The following PDILT variants were observed in gnomAD, a reference collection of about 807,000 sequenced individuals.
PDILT encodes protein disulfide-isomerase-like protein of the testis.
PDILT carries 43 observed loss-of-function variants against 53.7 expected under a neutral mutation model. That is an observed-to-expected ratio of 0.80 (90% CI 0.63 to 1.03). PDILT has a LOEUF of 1.03. Among genes scored for constraint, PDILT ranks in the 50% least tolerant of loss-of-function variants. The pLI is 0.00. For missense variants in PDILT, 727 were observed against 712.3 expected (o/e 1.02, Z -0.24); for synonymous variants, 282 against 274.2 (o/e 1.03, Z -0.28).
At chr16:20,363,463 TTGTGTA>T (rs756851656) in intron 9 of PDILT, among the ~76,000 whole-genome samples, 9,142 of 141,316 alleles carry the variant, frequency 0.065, 298 homozygotes, top group African/African-American at 0.087. Flanking sequence ...GTGTGTGTTT[TTGTGTA>T]TGTGTATGTG....
chr16:20,402,222 T>C (rs1966750998), intron 1 of PDILT, among the ~76,000 whole-genome samples: 1 of 152,172 alleles, frequency 6.6e-6, no homozygotes, highest in Non-Finnish European at 1.5e-5. Context: ...TGTCAGATGA[T>C]GGTAATGCAA....
At position 20,384,948 on chromosome 16, in the gene PDILT, T is replaced by C. The variant is rs1239584591; in HGVS notation, c.203-97A>G. On this transcript the variant is annotated intron_variant, in intron 2 of 11. Transcript: ENST00000302451. ...GGGCCTGCTTAGCTCCCGGAACCTT[T>C]CTTGTGCTCAGCGGTTAATGGCTGA... 12 of 1,203,276 alleles carry C rather than the reference T, an allele frequency of 1.0e-5. 1 individual carries two copies. In the East Asian group the frequency reaches 2.3e-4, roughly 23 times the overall value. The allele number at this position is 1,203,276 out of a possible 1,614,324, so 74.5% of individuals were successfully genotyped here. A position where few individuals can be genotyped will look rare whatever the true frequency, so the allele number is the denominator to read the frequency against.
intron 1 of PDILT, among the ~76,000 whole-genome samples, chr16:20,400,845 C>T (rs1330976512): frequency 1.3e-5 from 2 of 152,112 alleles, no homozygotes; most frequent in East Asian, 1.9e-4. Flanking sequence ...ACAATAACCA[C>T]AATACTATGA....
Position 20,362,530 on chromosome 16 carries a change from C to A in PDILT, c.1290G>T (p.Leu430Phe), listed in dbSNP as rs764924755. The change falls in exon 10 of 12, where the codon TTG (leucine) becomes TTT (phenylalanine). Residue 430 changes from leucine (L) to phenylalanine (F), a missense_variant. Transcript: ENST00000302451. ...CKMLFPLLEELGRKYQNHSTI... is the reference protein window; with the variant it reads ...CKMLFPLLEEFGRKYQNHSTI... ...TGGAGTGGTTTTGATATTTTCTGCCCAATTCCTCCAACAGTGGGAACAGCA... is the reference window on the plus strand; with the variant it reads ...TGGAGTGGTTTTGATATTTTCTGCCAAATTCCTCCAACAGTGGGAACAGCA... 4.3e-6 allele frequency: 7 copies of A among 1,614,066 alleles called. No individual in the cohort carries two copies. The highest frequency in any genetic ancestry group is 5.9e-6 in the Non-Finnish European group (7 of 1,180,022).
chr16:20,397,644 G>C, intron 2 of PDILT, among the ~76,000 whole-genome samples: 1 of 152,168 alleles, frequency 6.6e-6, no homozygotes, highest in Non-Finnish European at 1.5e-5. Flanking sequence ...AAATGGTTCT[G>C]GTCAGAGGGC....
intron 8 of PDILT, among the ~76,000 whole-genome samples, chr16:20,368,989 G>A (rs1057235302): frequency 7.9e-5 from 12 of 152,150 alleles, no homozygotes; most frequent in Non-Finnish European, 7.3e-5. Context: ...GGGTGACTAC[G>A]TGTTCCATGT....
intron 4 of PDILT, 124 bp from the exon 5 acceptor site, chr16:20,375,083 G>A (rs1750973217): frequency 1.8e-6 from 2 of 1,131,512 alleles, no homozygotes; most frequent in Non-Finnish European, 2.5e-6. Flanking sequence ...GGTTTGCCTG[G>A]GTCACCCAAA....
chr16:20,361,288 C>T (rs553870615), intron 10 of PDILT, among the ~76,000 whole-genome samples: 5 of 149,474 alleles, frequency 3.3e-5, no homozygotes, highest in South Asian at 4.3e-4. Flanking sequence ...CAGGTTCAAG[C>T]GATTCCCCTG....
chr16:20,384,344 G>A (rs954206544), intron 3 of PDILT, among the ~76,000 whole-genome samples: 4 of 152,282 alleles, frequency 2.6e-5, no homozygotes, highest in African/African-American at 4.8e-5. Flanking sequence ...CTTGCAGCTG[G>A]TTCTGGCCAT....
chr16:20,386,774 T>A (rs1017034884), intron 2 of PDILT, among the ~76,000 whole-genome samples: 2 of 152,212 alleles, frequency 1.3e-5, no homozygotes, highest in Admixed American at 6.5e-5. Context: ...CTCTGGTCCA[T>A]GGGGCTCTCC....
chr16:20,399,953 TATG>T (rs1290098026), intron 1 of PDILT, among the ~76,000 whole-genome samples: 1 of 152,022 alleles, frequency 6.6e-6, no homozygotes, highest in East Asian at 1.9e-4. Flanking sequence ...CTTAGAGAAG[TATG>T]GAATGAATCC....
intron 2 of PDILT, among the ~76,000 whole-genome samples, chr16:20,397,363 G>A (rs983735965): frequency 5.3e-5 from 8 of 152,070 alleles, no homozygotes; most frequent in Admixed American, 3.9e-4. Flanking sequence ...GCTGGTTCTT[G>A]AACACTTGAG....
chr16:20,364,819 G>A (rs978714570), intron 9 of PDILT, among the ~76,000 whole-genome samples: 1 of 152,204 alleles, frequency 6.6e-6, no homozygotes, highest in Admixed American at 6.5e-5. Flanking sequence ...GCCAGACGCT[G>A]TGCTAAGTAC....
At chr16:20,368,943 C>T in intron 8 of PDILT, among the ~76,000 whole-genome samples, 1 of 152,100 alleles carries the variant, frequency 6.6e-6, no homozygotes, top group Admixed American at 6.6e-5. Flanking sequence ...ATATGGTTAC[C>T]TTACTCAGCA....
intron 9 of PDILT, among the ~76,000 whole-genome samples, chr16:20,363,458 T>C (rs1134487): frequency 0.58 from 86,197 of 148,578 alleles, 25,249 homozygotes; most frequent in Middle Eastern, 0.63. Flanking sequence ...AGTGTGTGTG[T>C]GTTTTTGTGT....
At chr16:20,377,808 T>C (rs1966407650) in intron 3 of PDILT, among the ~76,000 whole-genome samples, 1 of 151,488 alleles carries the variant, frequency 6.6e-6, no homozygotes, top group South Asian at 2.1e-4. Context: ...CAAAAAATTA[T>C]CCAGGCATGG....
chr16:20,381,619 A>T (rs961322173), intron 3 of PDILT, among the ~76,000 whole-genome samples: 19 of 145,976 alleles, frequency 1.3e-4, no homozygotes, highest in Non-Finnish European at 1.5e-5. Flanking sequence ...CTGGCAAAAC[A>T]GTGAGACTCC....
chr16:20,399,443 A>C lies in PDILT; in HGVS notation c.-7-136T>G, dbSNP rs1966703420. On this transcript the variant is annotated intron_variant, in intron 1 of 11. Transcript: ENST00000302451. ...AGCATTGCCTCCCAGCAATGCCTGC[A>C]GCTTGGCAGCAGCCCTGGAGAAGAA... is the stretch of plus-strand genomic sequence containing the variant. 3 of 879,440 alleles carry C rather than the reference A, an allele frequency of 3.4e-6. No individual in the cohort carries two copies. The Admixed American group carries it at 6.7e-5, about 20-fold the overall frequency. 54.5% of individuals were successfully genotyped at this position (879,440 alleles called of 1,614,324 possible).
At chr16:20,362,199 C>A (rs1407023308) in intron 10 of PDILT, among the ~76,000 whole-genome samples, 3 of 152,178 alleles carry the variant, frequency 2.0e-5, no homozygotes, top group African/African-American at 7.2e-5. Flanking sequence ...GATATGCAAG[C>A]TACACCCAAT....
Sources: gnomAD v4.1 joint callset for allele counts (sites outside exome capture counted in the v4.1 genomes callset) on GRCh38, gnomAD v4.1.1 for gene constraint, MANE v1.5 for transcripts, NCBI Gene and HGNC (gene_info 2026-07-23, HGNC 2026-07-21) for gene names.